Variants in SDK1 observed in about 807,000 individuals in gnomAD.
SDK1 encodes sidekick cell adhesion molecule 1.
SDK1 carries 157 observed loss-of-function variants against 245.5 expected under a neutral mutation model. The observed-to-expected ratio is 0.64, with a 90% CI of 0.56 to 0.73. The LOEUF is 0.73. Ranked by LOEUF, SDK1 falls within the 30% of genes least tolerant of loss-of-function variation. The pLI is 0.00. For synonymous variants in SDK1, 1,647 were observed against 1,278.5 expected (o/e 1.29, Z -6.15); for missense variants, 3,583 against 3,002.3 (o/e 1.19, Z -4.52).
chr7:3,595,752 C>T (rs149247020), intron 1 of SDK1, among the ~76,000 whole-genome samples: 1,938 of 145,546 alleles, frequency 0.013, 12 homozygotes, highest in South Asian at 0.02. Context: ...GGCATGAACC[C>T]GGGAGGCGGA....
intron 1 of SDK1, among the ~76,000 whole-genome samples, chr7:3,319,489 A>G (rs1779741224): frequency 6.6e-6 from 1 of 152,180 alleles, no homozygotes; most frequent in Non-Finnish European, 1.5e-5. Context: ...CTTACCTTTT[A>G]GAAGTTTCTT....
intron 1 of SDK1, among the ~76,000 whole-genome samples, chr7:3,346,444 C>T (rs932541403): frequency 1.3e-5 from 2 of 152,164 alleles, no homozygotes; most frequent in Admixed American, 1.3e-4. Flanking sequence ...GATGAAGCTA[C>T]TTCAGATTCC....
At chr7:4,264,132 G>C (rs1359217138) in intron 44 of SDK1, among the ~76,000 whole-genome samples, 1 of 130,508 alleles carries the variant, frequency 7.7e-6, no homozygotes, top group Non-Finnish European at 1.6e-5. Context: ...GGGAGGCCGC[G>C]TAGACCTCTC....
chr7:4,025,559 A>G (rs2128155977), intron 17 of SDK1, among the ~76,000 whole-genome samples: 1 of 152,268 alleles, frequency 6.6e-6, no homozygotes, highest in African/African-American at 2.4e-5. Context: ...GCATCACCTT[A>G]TTTTGTGATT....
At chr7:4,168,207 G>T (rs1364470159) in intron 32 of SDK1, among the ~76,000 whole-genome samples, 1 of 152,160 alleles carries the variant, frequency 6.6e-6, no homozygotes, top group African/African-American at 2.4e-5. Flanking sequence ...CCCTCTGGGG[G>T]CACGGCCGCC....
intron 1 of SDK1, among the ~76,000 whole-genome samples, chr7:3,406,603 G>T (rs1779061850): frequency 6.6e-6 from 1 of 152,092 alleles, no homozygotes; most frequent in Non-Finnish European, 1.5e-5. Context: ...ACATCATACT[G>T]AAAACACTTA....
intron 5 of SDK1, among the ~76,000 whole-genome samples, chr7:3,941,818 A>G (rs1201848853): frequency 6.6e-6 from 1 of 152,172 alleles, no homozygotes; most frequent in East Asian, 1.9e-4. Context: ...TCCTGAAATA[A>G]GAGGCAGTTG....
At chr7:3,777,048 A>G (rs907627741) in intron 4 of SDK1, among the ~76,000 whole-genome samples, 2 of 152,102 alleles carry the variant, frequency 1.3e-5, no homozygotes, top group South Asian at 2.1e-4. Context: ...CTCACTGGTA[A>G]TTGTGATGAT....
intron 5 of SDK1, among the ~76,000 whole-genome samples, chr7:3,860,236 C>A (rs563061344): frequency 6.6e-6 from 1 of 151,918 alleles, no homozygotes; most frequent in East Asian, 1.9e-4. Context: ...TAACAAAGGC[C>A]CTATAACAAA....
intron 5 of SDK1, among the ~76,000 whole-genome samples, chr7:3,885,659 A>G (rs1781320831): frequency 6.6e-6 from 1 of 150,938 alleles, no homozygotes; most frequent in African/African-American, 2.5e-5. Flanking sequence ...CTGTGGTATC[A>G]ATTATCATAT....
intron 22 of SDK1, among the ~76,000 whole-genome samples, chr7:4,100,974 A>C (rs1381304298): frequency 1.3e-5 from 2 of 152,088 alleles, no homozygotes; most frequent in Non-Finnish European, 2.9e-5. Context: ...TGAACCCTGC[A>C]GGGTGCGTGA....
intron 4 of SDK1, among the ~76,000 whole-genome samples, chr7:3,676,112 C>T (rs1392181386): frequency 6.6e-6 from 1 of 152,052 alleles, no homozygotes; most frequent in Non-Finnish European, 1.5e-5. Flanking sequence ...ACTACAGGTG[C>T]ATGCCATCAC....
intron 1 of SDK1, among the ~76,000 whole-genome samples, chr7:3,366,963 A>G (rs977776366): frequency 1.3e-5 from 2 of 151,956 alleles, no homozygotes; most frequent in East Asian, 1.9e-4. Flanking sequence ...GATGGTCTCG[A>G]TCTCCTGACC....
At chr7:3,597,792 CTG>C (rs1781114187) in intron 1 of SDK1, among the ~76,000 whole-genome samples, 1 of 152,168 alleles carries the variant, frequency 6.6e-6, no homozygotes. Flanking sequence ...ATCAAAATGT[CTG>C]TGAGATTCCT....
At chr7:3,600,661 A>G (rs35748921) in intron 1 of SDK1, among the ~76,000 whole-genome samples, 35,530 of 145,842 alleles carry the variant, frequency 0.24, 4,381 homozygotes, top group South Asian at 0.31. Flanking sequence ...CCATTCTCCT[A>G]CCTCAGCCTC....
At chr7:3,804,958 C>T (rs562351850) in intron 4 of SDK1, among the ~76,000 whole-genome samples, 9 of 152,086 alleles carry the variant, frequency 5.9e-5, no homozygotes, top group Non-Finnish European at 1.3e-4. Context: ...ATCTATTAAA[C>T]GGCATGGTGA....
At chr7:4,138,746 C>T (rs687426) in intron 28 of SDK1, among the ~76,000 whole-genome samples, 2 of 146,570 alleles carry the variant, frequency 1.4e-5, no homozygotes, top group Admixed American at 6.8e-5. Context: ...GAAACTCTGT[C>T]TCAAAAAAAA....
At chr7:3,546,348 CCT>C (rs1260679014) in intron 1 of SDK1, among the ~76,000 whole-genome samples, 1 of 152,202 alleles carries the variant, frequency 6.6e-6, no homozygotes, top group Non-Finnish European at 1.5e-5. Context: ...CCCCTCTAAT[CCT>C]CTGTTTCCAC....
At chr7:3,760,283 A>T (rs996001501) in intron 4 of SDK1, among the ~76,000 whole-genome samples, 1 of 152,206 alleles carries the variant, frequency 6.6e-6, no homozygotes, top group East Asian at 1.9e-4. Context: ...GGTATTTCAG[A>T]TGACCACAGT....
Sources: allele counts gnomAD v4.1 joint callset (sites outside exome capture counted in the v4.1 genomes callset), GRCh38; gene constraint gnomAD v4.1.1; transcripts MANE v1.5; gene names NCBI Gene and HGNC (gene_info 2026-07-23, HGNC 2026-07-21).